Variants in ZNF728 observed in about 807,000 individuals in gnomAD.
ZNF728 encodes the protein zinc finger protein 728.
ZNF728 carries 12 observed loss-of-function variants against 12.5 expected under a neutral mutation model. That is an observed-to-expected ratio of 0.96 (90% confidence interval 0.61 to 1.55). ZNF728 has a LOEUF of 1.55. Ranked by LOEUF, ZNF728 falls within the 40% of genes most tolerant of loss-of-function variation. ZNF728 has a pLI of 0.00. For missense variants in ZNF728, 692 were observed against 719.2 expected, an observed-to-expected ratio of 0.96 and a Z score of 0.43; for synonymous variants, 205 against 240.7, an observed-to-expected ratio of 0.85 and a Z score of 1.37.
chr19:22,997,366 C>A (rs1367603114), intron 1 of ZNF728, among the ~76,000 whole-genome samples: 2 of 152,016 alleles, frequency 1.3e-5, no homozygotes, highest in Non-Finnish European at 2.9e-5. Context: ...GGAAACCATA[C>A]AATTAAATAA....
Position 23,003,071 on chromosome 19 carries a change from TC to T in ZNF728, c.-42del. ...GGTCCTGGCGACTTAGTTGTGAATC[TC>T]CCAATACCTGCAGGTCACAGGGCCA... is the stretch of plus-strand genomic sequence containing the variant. On this transcript the variant is annotated 5_prime_UTR_variant, in exon 1 of 4. Transcript: ENST00000594710. 6.4e-7 allele frequency: 1 copy of T among 1,568,166 alleles called. No individual in the cohort carries two copies. The highest frequency in any genetic ancestry group is 8.6e-7 in the Non-Finnish European group (1 of 1,157,808).
At chr19:22,981,397 C>T (rs1968860209) in intron 3 of ZNF728, among the ~76,000 whole-genome samples, 2 of 152,076 alleles carry the variant, frequency 1.3e-5, no homozygotes, top group Admixed American at 1.3e-4. Context: ...ATTAGCCCAT[C>T]AATAAAAAAT....
chr19:22,985,364 T>C (rs930311042), intron 3 of ZNF728, among the ~76,000 whole-genome samples: 2 of 152,178 alleles, frequency 1.3e-5, no homozygotes, highest in African/African-American at 4.8e-5. Flanking sequence ...GCATGGTTAA[T>C]ATCTGTAATG....
intron 3 of ZNF728, among the ~76,000 whole-genome samples, chr19:22,983,360 A>T (rs1212320685): frequency 6.6e-6 from 1 of 152,162 alleles, no homozygotes; most frequent in Non-Finnish European, 1.5e-5. Context: ...GTAACAACAG[A>T]TGCTGGAGAA....
In ZNF728 at chr19:22,987,367, A is replaced by AG. The variant is rs765888344; in HGVS notation, c.166dup (p.Leu56ProfsTer14). 6.2e-7 allele frequency: 1 copy of AG among 1,612,320 alleles called. No individual in the cohort carries two copies. On this transcript the variant is annotated frameshift_variant, in exon 3 of 4. Transcript: ENST00000594710. LOFTEE classifies it high-confidence loss of function. ...ATTCCAGGGCTCTTTTCCTTGCTCCAGAAAAATGATCAGGTCTGGCTTAGG... is the reference window on the plus strand; with the variant it reads ...ATTCCAGGGCTCTTTTCCTTGCTCCAGGAAAAATGATCAGGTCTGGCTTAGG...
intron 3 of ZNF728, among the ~76,000 whole-genome samples, chr19:22,986,419 G>A (rs1968917851): frequency 6.6e-6 from 1 of 151,852 alleles, no homozygotes; most frequent in Admixed American, 6.6e-5. Context: ...CAGTAAATTA[G>A]CAAAATATAA....
chr19:22,986,403 TACACTCAGTAA>T (rs150665960), intron 3 of ZNF728, among the ~76,000 whole-genome samples: 2,301 of 152,222 alleles, frequency 0.015, 53 homozygotes, highest in African/African-American at 0.05. Flanking sequence ...CCTTTTAAAA[TACACTCAGTAA>T]ATTAGCAAAA....
intron 1 of ZNF728, among the ~76,000 whole-genome samples, chr19:22,999,620 T>C (rs1197990154): frequency 2.0e-5 from 3 of 152,208 alleles, no homozygotes; most frequent in African/African-American, 7.2e-5. Context: ...AAAATAAGTG[T>C]TTGAAAAATC....
chr19:22,975,535 A>C lies in ZNF728; in HGVS notation c.1802T>G (p.Phe601Cys). ...AGTAGTAAGGTGTGAGGATTGGTTG[A>C]AGTCTTTACCACATTCTTCACATTT... ...FYKCEECGKD[F>C]NQSSHLTTHK... The change falls in exon 4 of 4, where the codon TTC (phenylalanine) becomes TGC (cysteine). Residue 601 changes from phenylalanine to cysteine, a missense_variant. Transcript: ENST00000594710. 1 of 1,575,010 alleles carries C rather than the reference A, an allele frequency of 6.3e-7. No homozygotes were observed. The highest frequency in any genetic ancestry group is 8.6e-7 in the Non-Finnish European group (1 of 1,162,004).
rs116373962 is a variant in ZNF728 at position 22,999,595 on chromosome 19, T to C, written c.3+3433A>G. On this transcript the variant is annotated intron_variant, in intron 1 of 3. Coordinates refer to ENST00000594710, the MANE Select transcript of ZNF728 (RefSeq NM_001267716.2). ...AGCTTTAATTACCATGTCAGAGTCA[T>C]TCACTTAGTTTTTGAAAATAAGTGT... Among the ~76,000 whole-genome samples, 543 of 152,298 alleles carry C rather than the reference T, an allele frequency of 3.6e-3. 3 individuals carry two copies. The highest frequency in any genetic ancestry group is 0.013 in the African/African-American group (525 of 41,566).
intron 1 of ZNF728, among the ~76,000 whole-genome samples, chr19:23,000,879 A>AAAAC (rs1396168976): frequency 2.5e-5 from 3 of 117,976 alleles, no homozygotes; most frequent in African/African-American, 1.7e-4. Context: ...AAAAAAAAAA[A>AAAAC]AAAAAACCAA....
chr19:22,986,182 T>C (rs1968914835), intron 3 of ZNF728, among the ~76,000 whole-genome samples: 1 of 152,092 alleles, frequency 6.6e-6, no homozygotes, highest in South Asian at 2.1e-4. Context: ...CTTTAAGAGG[T>C]GTTTGCGCCT....
chr19:22,982,741 G>GA lies in ZNF728; in HGVS notation c.226+4566dup, dbSNP rs1160851812. 1.1e-4 allele frequency among the ~76,000 whole-genome samples: 16 copies of GA among 152,084 alleles called. No homozygotes were observed. In the East Asian group the frequency reaches 2.3e-3, roughly 22 times the overall value. On this transcript the variant is annotated intron_variant, in intron 3 of 3. Coordinates refer to ENST00000594710, the MANE Select transcript of ZNF728 (RefSeq NM_001267716.2). The stretch of plus-strand genomic sequence containing the variant: ...CAGCCATCTGATCTTTGAGAAATCT[G>GA]AAAAAAACAAGCAATGGGGAAACGA...
chr19:22,993,183 T>G (rs1032125648), intron 1 of ZNF728, among the ~76,000 whole-genome samples: 3 of 152,188 alleles, frequency 2.0e-5, no homozygotes, highest in Admixed American at 1.3e-4. Context: ...ATGAAGAAGA[T>G]GTGAAAAGGT....
chr19:22,998,656 T>C (rs1430252191), intron 1 of ZNF728, among the ~76,000 whole-genome samples: 3 of 152,198 alleles, frequency 2.0e-5, no homozygotes, highest in South Asian at 2.1e-4. Context: ...ACTGTAGTTA[T>C]ATTTACAGGT....
intron 3 of ZNF728, among the ~76,000 whole-genome samples, chr19:22,981,321 C>G (rs1271747869): frequency 1.3e-5 from 2 of 152,174 alleles, no homozygotes; most frequent in African/African-American, 4.8e-5. Context: ...CCTTCCAAGT[C>G]TAAATCAGGA....
At chr19:22,997,851 C>CA (rs1177195150) in intron 1 of ZNF728, among the ~76,000 whole-genome samples, 1 of 151,194 alleles carries the variant, frequency 6.6e-6, no homozygotes, top group Admixed American at 6.6e-5. Flanking sequence ...GTCTGCTATG[C>CA]ACATAAAAAA....
intron 2 of ZNF728, 27 bp downstream of exon 2, chr19:22,988,298 G>A (rs1307647246): frequency 6.2e-7 from 1 of 1,613,838 alleles, no homozygotes; most frequent in African/African-American, 1.3e-5. Context: ...GTGTATACTA[G>A]GAATTGCGTA....
chr19:22,988,580 A>G, intron 1 of ZNF728, 129 bp from the exon 2 acceptor site: 4 of 1,349,712 alleles, frequency 3.0e-6, no homozygotes, highest in East Asian at 2.3e-5. Context: ...AAATCATTCA[A>G]TAAAATAGTT....
Sources: allele counts gnomAD v4.1 joint callset (sites outside exome capture counted in the v4.1 genomes callset), GRCh38; gene constraint gnomAD v4.1.1; transcripts MANE v1.5; gene names NCBI Gene and HGNC (gene_info 2026-07-23, HGNC 2026-07-21).